The following RPS6KC1 variants were observed in gnomAD, a reference collection of about 807,000 sequenced individuals.
RPS6KC1 encodes inactive ribosomal protein S6 kinase delta-1.
Under a neutral mutation model 103.8 loss-of-function variants are expected in RPS6KC1, and 54 were observed. The ratio of observed to expected loss-of-function variants is 0.52; its 90% CI spans 0.42 to 0.65. The LOEUF (loss-of-function observed/expected upper bound fraction) is 0.65, where lower values mean the gene tolerates loss of function less well. RPS6KC1 is among the 30% of genes least tolerant of loss of function. The pLI is 0.00. For missense variants in RPS6KC1, 1,151 were observed against 1,253.8 expected (o/e 0.92, Z 1.24); for synonymous variants, 439 against 438.7 (o/e 1.00, Z -0.01).
chr1:213,302,812 C>T, the RPS6KC1 span, among the ~76,000 whole-genome samples: 1 of 152,212 alleles, frequency 6.6e-6, no homozygotes, highest in African/African-American at 2.4e-5. Context: ...TGGTGCTTGG[C>T]ACACTGTAAG....
chr1:213,458,989 C>G, the RPS6KC1 span, among the ~76,000 whole-genome samples: 5 of 152,204 alleles, frequency 3.3e-5, no homozygotes, highest in South Asian at 1.0e-3. Flanking sequence ...TTTTGATGTG[C>G]TGTTGAATTC....
chr1:213,768,904 A>C, the RPS6KC1 span, among the ~76,000 whole-genome samples: 2 of 152,204 alleles, frequency 1.3e-5, no homozygotes, highest in Non-Finnish European at 1.5e-5. Flanking sequence ...ATTTACTTTA[A>C]AAGCACAGAC....
chr1:213,175,322 A>G (rs1344408799), intron 7 of RPS6KC1, among the ~76,000 whole-genome samples: 1 of 152,234 alleles, frequency 6.6e-6, no homozygotes, highest in African/African-American at 2.4e-5. Context: ...AGGAACTTCA[A>G]GTATCAAAAA....
the RPS6KC1 span, among the ~76,000 whole-genome samples, chr1:213,331,844 C>T: frequency 6.6e-6 from 1 of 152,084 alleles, no homozygotes; most frequent in Non-Finnish European, 1.5e-5. Context: ...CTCATGGCCT[C>T]TCTGCTGGCC....
At chr1:213,766,088 G>C in the RPS6KC1 span, among the ~76,000 whole-genome samples, 1 of 152,186 alleles carries the variant, frequency 6.6e-6, no homozygotes. Flanking sequence ...TTAGCAAGTA[G>C]ACAGCAACCT....
rs530881911 is a variant in RPS6KC1, at chr1:213,187,782, TTA to T, written c.1044+11292_1044+11293del. 2.0e-3 allele frequency among the ~76,000 whole-genome samples: 299 copies of T among 152,274 alleles called. 1 individual carries two copies. Among genetic ancestry groups the T allele is most frequent in the African/African-American group, 6.9e-3 (288 of 41,546 alleles). The stretch of plus-strand genomic sequence containing the variant: ...TTTATGTCTTTGCATTGAAGGATAG[TTA>T]TTAATAGATATTTATAGAATAGTTA... On this transcript the variant is annotated intron_variant, in intron 8 of 14. Coordinates refer to ENST00000366960, the MANE Select transcript of RPS6KC1 (RefSeq NM_012424.6).
the RPS6KC1 span, among the ~76,000 whole-genome samples, chr1:213,743,487 C>G: frequency 6.6e-6 from 1 of 152,200 alleles, no homozygotes; most frequent in Non-Finnish European, 1.5e-5. Flanking sequence ...CACATGTACC[C>G]TCTGTATATA....
chr1:213,499,569 T>A, the RPS6KC1 span, among the ~76,000 whole-genome samples: 38,430 of 152,060 alleles, frequency 0.25, 5,489 homozygotes, highest in Middle Eastern at 0.38. Flanking sequence ...CTCTCATGCC[T>A]CTGCTGATCT....
At chr1:213,216,408 A>T (rs922752857) in intron 8 of RPS6KC1, among the ~76,000 whole-genome samples, 6 of 152,202 alleles carry the variant, frequency 3.9e-5, no homozygotes, top group African/African-American at 1.4e-4. Context: ...TTAGACTCCC[A>T]CACAATAATA....
chr1:213,361,366 A>C, the RPS6KC1 span, among the ~76,000 whole-genome samples: 12 of 152,218 alleles, frequency 7.9e-5, no homozygotes, highest in Non-Finnish European at 1.8e-4. Flanking sequence ...CAGGAGCGGG[A>C]TATAATCTCC....
intron 5 of RPS6KC1, among the ~76,000 whole-genome samples, chr1:213,120,584 G>A (rs2084268290): frequency 1.3e-5 from 2 of 152,112 alleles, no homozygotes; most frequent in African/African-American, 4.8e-5. Flanking sequence ...ATGGAGGGTT[G>A]TTAGAGGGAT....
rs1361184232 is a variant in RPS6KC1, at chr1:213,102,982, G to A, written c.263-1472G>A. Among the ~76,000 whole-genome samples the A allele has an allele frequency of 2.0e-5, 3 of 152,038 alleles. No homozygotes were observed. In the South Asian group the frequency reaches 6.2e-4, roughly 32 times the overall value. On this transcript the variant is annotated intron_variant, in intron 3 of 14. Coordinates refer to ENST00000366960, the MANE Select transcript of RPS6KC1 (RefSeq NM_012424.6). ...AGCACTTTGGGAGGCCTAGATGGGA[G>A]GATCACTTGCATCCAGGAATTCGAC...
the RPS6KC1 span, chr1:213,821,499 A>G: frequency 1.3e-5 from 2 of 152,340 alleles, no homozygotes; most frequent in East Asian, 3.9e-4. Flanking sequence ...GAAACATCAC[A>G]TATTTGCCGT....
the RPS6KC1 span, among the ~76,000 whole-genome samples, chr1:213,748,793 A>T: frequency 6.6e-6 from 1 of 152,182 alleles, no homozygotes; most frequent in Non-Finnish European, 1.5e-5. Context: ...CACCTTTCAA[A>T]CTGATGTTGA....
the RPS6KC1 span, among the ~76,000 whole-genome samples, chr1:213,537,711 G>A: frequency 5.3e-5 from 8 of 152,134 alleles, no homozygotes; most frequent in Non-Finnish European, 1.5e-5. Flanking sequence ...GGGAATGTGG[G>A]TGTGTGAGTT....
At chr1:213,785,557 G>T in the RPS6KC1 span, among the ~76,000 whole-genome samples, 2 of 152,002 alleles carry the variant, frequency 1.3e-5, no homozygotes, top group Admixed American at 6.6e-5. Context: ...CTTTTAATGA[G>T]TGTTAGTGAT....
At chr1:213,201,185 T>C (rs968750178) in intron 8 of RPS6KC1, among the ~76,000 whole-genome samples, 1 of 152,230 alleles carries the variant, frequency 6.6e-6, no homozygotes, top group Non-Finnish European at 1.5e-5. Flanking sequence ...TATTCATAAT[T>C]GCCAAAATGT....
chr1:213,506,919 A>C, the RPS6KC1 span, among the ~76,000 whole-genome samples: 4 of 152,144 alleles, frequency 2.6e-5, no homozygotes, highest in Admixed American at 1.3e-4. Flanking sequence ...TTTTCCCTGG[A>C]GTGGAAAGTG....
chr1:213,487,602 T>A, the RPS6KC1 span, among the ~76,000 whole-genome samples: 1 of 152,128 alleles, frequency 6.6e-6, no homozygotes, highest in African/African-American at 2.4e-5. Flanking sequence ...CTGCTCAGTA[T>A]GAGCCCTTAC....
Sources: gnomAD v4.1 joint callset for allele counts (sites outside exome capture counted in the v4.1 genomes callset) on GRCh38, gnomAD v4.1.1 for gene constraint, MANE v1.5 for transcripts, NCBI Gene and HGNC (gene_info 2026-07-23, HGNC 2026-07-21) for gene names.